Variants in AMD1 observed in about 807,000 individuals in gnomAD.
AMD1 encodes the protein adenosylmethionine decarboxylase 1.
A neutral mutation model predicts 40.2 loss-of-function variants in AMD1; 11 were observed. The ratio of observed to expected loss-of-function variants is 0.27; its 90% confidence interval spans 0.17 to 0.45. The LOEUF is 0.45. Among genes scored for constraint, AMD1 ranks in the 20% least tolerant of loss-of-function variants. AMD1 has a pLI of 1.00. For synonymous variants in AMD1, 121 were observed against 130.8 expected, an observed-to-expected ratio of 0.93 and a Z score of 0.51; for missense variants, 257 against 410.2, an observed-to-expected ratio of 0.63 and a Z score of 3.23.
the AMD1 span, among the ~76,000 whole-genome samples, chr6:110,841,077 G>A: frequency 1.3e-5 from 2 of 152,100 alleles, no homozygotes; most frequent in Non-Finnish European, 2.9e-5. Context: ...GCAATGGCAC[G>A]ATCTCAGCTC....
At chr6:110,891,181 C>G (rs1299145598) in intron 4 of AMD1, 1 of 152,156 alleles carries the variant, frequency 6.6e-6, no homozygotes, top group Non-Finnish European at 1.5e-5. Flanking sequence ...ACTGCATTGT[C>G]AAACTCTTGA....
the AMD1 span, among the ~76,000 whole-genome samples, chr6:110,852,314 T>G: frequency 6.9e-6 from 1 of 145,430 alleles, no homozygotes; most frequent in East Asian, 2.1e-4. Flanking sequence ...CTCTGCCTCC[T>G]GGGTTCAAGC....
At chr6:110,855,065 C>CTTTTTTTTT in the AMD1 span, among the ~76,000 whole-genome samples, 45 of 80,464 alleles carry the variant, frequency 5.6e-4, 2 homozygotes, top group African/African-American at 9.3e-4. Context: ...CTCTCTCTCT[C>CTTTTTTTTT]TTTTTTTTTT....
chr6:110,842,660 C>T, the AMD1 span, among the ~76,000 whole-genome samples: 1 of 152,040 alleles, frequency 6.6e-6, no homozygotes, highest in African/African-American at 2.4e-5. Context: ...GAATCTCAGA[C>T]CCTTCATAGT....
the AMD1 span, among the ~76,000 whole-genome samples, chr6:110,849,692 G>A: frequency 6.6e-6 from 1 of 151,996 alleles, no homozygotes; most frequent in South Asian, 2.1e-4. Context: ...TTTCTTCTAG[G>A]AGCACTGGAG....
At chr6:110,838,777 T>C in the AMD1 span, among the ~76,000 whole-genome samples, 1 of 152,042 alleles carries the variant, frequency 6.6e-6, no homozygotes. Flanking sequence ...GAGAATCGCT[T>C]AAACCTGGAG....
the AMD1 span, chr6:110,814,830 C>T: frequency 1.2e-6 from 1 of 819,006 alleles, no homozygotes; most frequent in Non-Finnish European, 2.0e-6. Context: ...GCGACGGGGC[C>T]GCGCGGGGGA....
the AMD1 span, chr6:110,859,136 G>C: frequency 7.7e-7 from 1 of 1,293,064 alleles, no homozygotes; most frequent in Admixed American, 2.2e-5. Context: ...CCAGGAGGAG[G>C]CTGGCTACTG....
At chr6:110,889,108 G>T in intron 3 of AMD1, 125 bp downstream of exon 3, 1 of 1,150,936 alleles carries the variant, frequency 8.7e-7, no homozygotes, top group East Asian at 2.7e-5. Context: ...CACGTGGTAA[G>T]GTGTTCATAC....
At chr6:110,828,612 T>A in the AMD1 span, among the ~76,000 whole-genome samples, 1 of 152,198 alleles carries the variant, frequency 6.6e-6, no homozygotes, top group Non-Finnish European at 1.5e-5. Flanking sequence ...TCACTGCATA[T>A]GTGATGGGAA....
At chr6:110,861,745 G>A in the AMD1 span, among the ~76,000 whole-genome samples, 1 of 151,822 alleles carries the variant, frequency 6.6e-6, no homozygotes, top group Non-Finnish European at 1.5e-5. Flanking sequence ...AGGAGGCTGA[G>A]GCAGGAGAAT....
chr6:110,853,836 C>T, the AMD1 span, among the ~76,000 whole-genome samples: 1 of 152,214 alleles, frequency 6.6e-6, no homozygotes, highest in Non-Finnish European at 1.5e-5. Flanking sequence ...CCTCCATTAT[C>T]TACATAATAT....
the AMD1 span, chr6:110,848,619 GC>G: frequency 1.8e-6 from 1 of 568,230 alleles, no homozygotes; most frequent in Non-Finnish European, 2.8e-6. Flanking sequence ...ATCTTCTTTT[GC>G]AACCCAGAAC....
chr6:110,880,838 A>C (rs1191656684), intron 1 of AMD1, among the ~76,000 whole-genome samples: 1 of 152,050 alleles, frequency 6.6e-6, no homozygotes, highest in African/African-American at 2.4e-5. Context: ...ACACCTGGCT[A>C]ATTTTGGTAT....
chr6:110,826,271 C>CAAAAAAA, the AMD1 span, among the ~76,000 whole-genome samples: 1 of 59,358 alleles, frequency 1.7e-5, no homozygotes, highest in Non-Finnish European at 3.0e-5. Context: ...GACACCATCC[C>CAAAAAAA]AAAAAAAAAA....
chr6:110,862,041 A>C, the AMD1 span, among the ~76,000 whole-genome samples: 1 of 130,826 alleles, frequency 7.6e-6, no homozygotes, highest in African/African-American at 2.9e-5. Flanking sequence ...TTTTTTCGAG[A>C]TGGAGTCTCA....
At chr6:110,888,652 A>G in intron 2 of AMD1, 1 of 412,174 alleles carries the variant, frequency 2.4e-6, no homozygotes, top group Non-Finnish European at 4.3e-6. Flanking sequence ...GAATATACGA[A>G]TGTTTATCAA....
the AMD1 span, among the ~76,000 whole-genome samples, chr6:110,822,998 C>A: frequency 1.1e-3 from 167 of 152,198 alleles, no homozygotes; most frequent in African/African-American, 3.9e-3. Context: ...TGCCTGTAAT[C>A]CCAGTACTCA....
the AMD1 span, among the ~76,000 whole-genome samples, chr6:110,846,273 T>TCCC: frequency 6.6e-6 from 1 of 152,178 alleles, no homozygotes; most frequent in East Asian, 1.9e-4. Context: ...ATTTAAAGAT[T>TCCC]GTCACATTTA....
Sources: gnomAD v4.1 joint callset for allele counts (sites outside exome capture counted in the v4.1 genomes callset) on GRCh38, gnomAD v4.1.1 for gene constraint, MANE v1.5 for transcripts, NCBI Gene and HGNC (gene_info 2026-07-23, HGNC 2026-07-21) for gene names.